USP13: variants seen among roughly 807,000 people sequenced by gnomAD.
USP13 encodes ubiquitin specific peptidase 13.
USP13 carries 68 observed loss-of-function variants against 107.8 expected under a neutral mutation model. That is an observed-to-expected ratio of 0.63 (90% confidence interval 0.52 to 0.77). The LOEUF is 0.77. USP13 is among the 30% of genes least tolerant of loss of function. The pLI is 0.00. For synonymous variants in USP13, 377 were observed against 389.5 expected (o/e 0.97, Z 0.38); for missense variants, 945 against 1,093.3 (o/e 0.86, Z 1.91).
At position 179,719,935 on chromosome 3, in the gene USP13, G is replaced by C. The variant is rs764521644; in HGVS notation, c.806-5G>C. On this transcript the variant is annotated splice_region_variant and splice_polypyrimidine_tract_variant and intron_variant, in intron 6 of 20. Transcript: ENST00000263966. ...TGCAGTGCTTATTTTCTCTTCATCC[G>C]CTAGATGTTTATTCTTTTCAAGAAG... is the stretch of plus-strand genomic sequence containing the variant. 3.1e-6 allele frequency: 5 copies of C among 1,611,796 alleles called. No homozygotes were observed. The highest frequency in any genetic ancestry group is 4.2e-6 in the Non-Finnish European group (5 of 1,178,546).
At chr3:179,656,774 A>G (rs560982988) in intron 1 of USP13, among the ~76,000 whole-genome samples, 51 of 152,258 alleles carry the variant, frequency 3.3e-4, no homozygotes, top group African/African-American at 1.2e-3. Context: ...CCCCAGTGAC[A>G]TGTTCACGTG....
In USP13 at chr3:179,785,757, A is replaced by G. The variant is rs1241823540; in HGVS notation, c.*1616A>G. 2.0e-5 allele frequency: 3 copies of G among 152,284 alleles called. No homozygotes were observed. The highest frequency in any genetic ancestry group is 7.2e-5 in the African/African-American group (3 of 41,454). The allele number at this position is 152,284 out of a possible 1,614,324, so 9.4% of individuals were successfully genotyped here. On this transcript the variant is annotated 3_prime_UTR_variant, in exon 21 of 21. Coordinates refer to ENST00000263966, the MANE Select transcript of USP13 (RefSeq NM_003940.3). ...GTGATCCTTTGGTGCCATGTGACCG[A>G]GAGACATGGTGTCTAAGGCCCATGG...
At chr3:179,726,924 G>A (rs1036259686) in intron 8 of USP13, among the ~76,000 whole-genome samples, 7 of 151,798 alleles carry the variant, frequency 4.6e-5, no homozygotes, top group African/African-American at 4.8e-5. Context: ...AGCAATCTTC[G>A]CCCCTCGGCT....
intron 16 of USP13, among the ~76,000 whole-genome samples, chr3:179,760,306 C>T (rs147671431): frequency 0.05 from 6,364 of 128,026 alleles, 479 homozygotes; most frequent in African/African-American, 0.18. Flanking sequence ...TTTTTTGAGA[C>T]GGAGTCTCAC....
intron 14 of USP13, among the ~76,000 whole-genome samples, chr3:179,753,247 T>A (rs1489916166): frequency 6.6e-6 from 1 of 152,202 alleles, no homozygotes; most frequent in African/African-American, 2.4e-5. Flanking sequence ...CTGGAGTGAT[T>A]TCCTAGAGAC....
At chr3:179,774,029 A>C (rs917864548) in intron 19 of USP13, among the ~76,000 whole-genome samples, 6 of 152,240 alleles carry the variant, frequency 3.9e-5, no homozygotes, top group Admixed American at 1.3e-4. Flanking sequence ...TTTGGCTCAT[A>C]GCTCTTCAGA....
In USP13 at chr3:179,761,149, C is replaced by A. The variant is rs755921886; in HGVS notation, c.1986C>A (p.Ala662=). The A allele has an allele frequency of 6.2e-7, 1 of 1,614,026 alleles. No individual in the cohort carries two copies. The highest frequency in any genetic ancestry group is 1.3e-5 in the African/African-American group (1 of 74,908). Residue 662 remains alanine (A), a synonymous_variant, in exon 17 of 21, where the codon GCC becomes GCA. Transcript: ENST00000263966. ...DIDESSVMQL[A]EMGFPLEACR... ...ATGAGTCATCAGTGATGCAGCTGGC[C>A]GAGATGGGTTTCCCGCTGGAAGCAT...
chr3:179,684,270 TACACACACACACACACACAC>T (rs58817778), intron 2 of USP13, among the ~76,000 whole-genome samples: 2 of 116,026 alleles, frequency 1.7e-5, no homozygotes, highest in South Asian at 6.3e-4. Flanking sequence ...TATCACCCTT[TACACACACACACACACACAC>T]ACACACACAC....
In USP13 at chr3:179,721,669, A is replaced by G. The variant is rs1713324281; in HGVS notation, c.1088+80A>G. ...TCCAGTCCACTCAGTGTGCGCTGCGAAGCCCATCTTTATTGCTTCAGGACA... is the reference window on the plus strand; with the variant it reads ...TCCAGTCCACTCAGTGTGCGCTGCGGAGCCCATCTTTATTGCTTCAGGACA... On this transcript the variant is annotated intron_variant, in intron 8 of 20. Coordinates refer to ENST00000263966, the MANE Select transcript of USP13 (RefSeq NM_003940.3). The surrounding 1 kb of genome is among the most constrained non-coding windows in gnomAD (Gnocchi z 4.3). 2 of 1,474,216 alleles carry G rather than the reference A, an allele frequency of 1.4e-6. No homozygotes were observed. Among genetic ancestry groups the G allele is most frequent in the Non-Finnish European group, 1.8e-6 (2 of 1,092,342 alleles). The allele number at this position is 1,474,216 out of a possible 1,614,324, so 91.3% of individuals were successfully genotyped here. A position where few individuals can be genotyped will look rare whatever the true frequency, so the allele number is the denominator to read the frequency against.
intron 3 of USP13, among the ~76,000 whole-genome samples, chr3:179,700,359 A>G (rs1465577259): frequency 1.3e-5 from 2 of 152,216 alleles, no homozygotes; most frequent in Non-Finnish European, 2.9e-5. Context: ...GTTTTTAAAT[A>G]ATAGCTAACA....
In USP13 at chr3:179,765,834, A is replaced by G; in HGVS notation, c.2399A>G (p.Lys800Arg). The G allele has an allele frequency of 6.2e-7, 1 of 1,614,190 alleles. No homozygotes were observed. Among genetic ancestry groups the G allele is most frequent in the Non-Finnish European group, 8.5e-7 (1 of 1,180,024 alleles). ...GCCAAGCCCGAAGGACCTAGAGTCAAGGATGGATCTGGAAGTAAGTTCTTG... is the reference window on the plus strand; with the variant it reads ...GCCAAGCCCGAAGGACCTAGAGTCAGGGATGGATCTGGAAGTAAGTTCTTG... ...SEAKPEGPRV[K>R]DGSGTYELFA... The change falls in exon 19 of 21, where the codon AAG becomes AGG. Residue 800 changes from lysine (K) to arginine (R), a missense_variant. Transcript: ENST00000263966.
intron 1 of USP13, among the ~76,000 whole-genome samples, chr3:179,660,221 G>A (rs1025657111): frequency 5.3e-5 from 8 of 152,040 alleles, no homozygotes; most frequent in Admixed American, 5.2e-4. Context: ...CACTACTGTC[G>A]ATCTCCAGTT....
intron 13 of USP13, among the ~76,000 whole-genome samples, chr3:179,748,063 T>A (rs1714472994): frequency 6.6e-6 from 1 of 152,238 alleles, no homozygotes; most frequent in South Asian, 2.1e-4. Flanking sequence ...ATTGCACATT[T>A]GTTATTGCCA....
At chr3:179,779,173 A>G (rs983226574) in intron 19 of USP13, among the ~76,000 whole-genome samples, 2 of 151,858 alleles carry the variant, frequency 1.3e-5, no homozygotes, top group Non-Finnish European at 2.9e-5. Flanking sequence ...TTACTCAGTG[A>G]TACAGAGAGC....
At chr3:179,671,313 G>C (rs753495477) in intron 1 of USP13, among the ~76,000 whole-genome samples, 9 of 152,138 alleles carry the variant, frequency 5.9e-5, no homozygotes, top group Non-Finnish European at 1.2e-4. Flanking sequence ...ATAAAGCTGT[G>C]TGGTTGGGAA....
At chr3:179,779,918 T>C (rs1323950182) in intron 19 of USP13, among the ~76,000 whole-genome samples, 2 of 152,064 alleles carry the variant, frequency 1.3e-5, no homozygotes, top group Non-Finnish European at 1.5e-5. Context: ...GGATTCTAGA[T>C]ACAGGATTTG....
rs1577002333 is a variant in USP13, at chr3:179,787,287, CT to C, written c.*3147del. ...CAATTCATAGTGAGAGCACCTGGGT[CT>C]GTATCCTGACTCCACTCTAAGTGAG... is the stretch of plus-strand genomic sequence containing the variant. On this transcript the variant is annotated 3_prime_UTR_variant, in exon 21 of 21. Transcript: ENST00000263966. The C allele has an allele frequency of 6.6e-6, 1 of 152,272 alleles. No individual in the cohort carries two copies. Among genetic ancestry groups the C allele is most frequent in the East Asian group, 1.9e-4 (1 of 5,194 alleles). 9.4% of individuals were successfully genotyped at this position (152,272 alleles called of 1,614,324 possible).
intron 1 of USP13, among the ~76,000 whole-genome samples, chr3:179,659,305 T>C (rs556598776): frequency 6.6e-6 from 1 of 152,306 alleles, no homozygotes; most frequent in Admixed American, 6.5e-5. Context: ...CACAAGTATT[T>C]AGTGGTGTGC....
intron 19 of USP13, among the ~76,000 whole-genome samples, chr3:179,771,401 C>T (rs1409207231): frequency 6.6e-6 from 1 of 152,184 alleles, no homozygotes; most frequent in East Asian, 1.9e-4. Context: ...AGACATCTTC[C>T]ATCCTCTCAC....
Sources: gnomAD v4.1 joint callset for allele counts (sites outside exome capture counted in the v4.1 genomes callset) on GRCh38, gnomAD v4.1.1 for gene constraint, Gnocchi (gnomAD v3.1) non-coding constraint, MANE v1.5 for transcripts, NCBI Gene and HGNC (gene_info 2026-07-23, HGNC 2026-07-21) for gene names.